Variants in CTPS1 observed in about 807,000 individuals in gnomAD.
CTPS1 encodes the protein CTP synthetase 1.
In CTPS1, 25 loss-of-function variants were observed where a neutral mutation model predicts 80.5. That is an observed-to-expected ratio of 0.31 (90% confidence interval 0.23 to 0.43). The LOEUF is 0.43. Ranked by LOEUF, CTPS1 falls within the 20% of genes least tolerant of loss-of-function variation. The pLI, the probability that CTPS1 is intolerant of heterozygous loss-of-function variation, is 1.00. For synonymous variants in CTPS1, 267 were observed against 252.5 expected (o/e 1.06, Z -0.54); for missense variants, 442 against 725.7 (o/e 0.61, Z 4.49).
intron 12 of CTPS1, among the ~76,000 whole-genome samples, chr1:41,003,624 TG>T (rs1642961694): frequency 6.6e-6 from 1 of 152,170 alleles, no homozygotes; most frequent in African/African-American, 2.4e-5. Flanking sequence ...TTCTGTAAAA[TG>T]GGAGTAATAA....
At chr1:40,994,069 G>A (rs1238789998) in intron 7 of CTPS1, among the ~76,000 whole-genome samples, 1 of 152,058 alleles carries the variant, frequency 6.6e-6, no homozygotes, top group African/African-American at 2.4e-5. Context: ...GTGAGCCACC[G>A]CACCTGGCCT....
chr1:40,983,380 T>C lies in CTPS1; in HGVS notation c.90T>C (p.Cys30=), dbSNP rs761020732. ...ASSVGTILKS[C]GLHVTSIKID... is the part of the protein sequence containing the mutation. Reference sequence around the variant, plus strand: ...GTGTGGGCACAATACTCAAGTCATGTGGTTTACATGTAACTTCAATCAAAA... The same window carrying C: ...GTGTGGGCACAATACTCAAGTCATGCGGTTTACATGTAACTTCAATCAAAA... Residue 30 remains cysteine (C), a synonymous_variant, in exon 2 of 19, where the codon TGT becomes TGC. Transcript: ENST00000650070. 6.2e-7 allele frequency: 1 copy of C among 1,614,152 alleles called. No homozygotes were observed. The highest frequency in any genetic ancestry group is 8.5e-7 in the Non-Finnish European group (1 of 1,179,998).
intron 18 of CTPS1, among the ~76,000 whole-genome samples, chr1:41,010,636 T>C (rs1286957505): frequency 6.6e-6 from 1 of 152,204 alleles, no homozygotes; most frequent in East Asian, 1.9e-4. Context: ...ATTTTGGAGA[T>C]CTTGAAGGAA....
chr1:40,987,492 A>G lies in CTPS1; in HGVS notation c.438+20A>G, dbSNP rs753719232. 15 of 1,536,402 alleles carry G rather than the reference A, an allele frequency of 9.8e-6. No individual in the cohort carries two copies. The highest frequency in any genetic ancestry group is 1.7e-4 in the Middle Eastern group (1 of 5,952). ...ATTGAGGTTTGTATGATTCCTGCACATGTGAACAAGTGTACTCATCTCCTT... is the reference window on the plus strand; with the variant it reads ...ATTGAGGTTTGTATGATTCCTGCACGTGTGAACAAGTGTACTCATCTCCTT... On this transcript the variant is annotated intron_variant, in intron 4 of 18. Transcript: ENST00000650070.
At chr1:40,987,514 C>G (rs199692447) in intron 4 of CTPS1, 42 bp downstream of exon 4, 1 of 1,365,196 alleles carries the variant, frequency 7.3e-7, no homozygotes, top group Non-Finnish European at 1.0e-6. Context: ...GTACTCATCT[C>G]CTTAGTCAGC....
At chr1:40,994,812 T>C (rs1397798619) in intron 7 of CTPS1, among the ~76,000 whole-genome samples, 1 of 152,236 alleles carries the variant, frequency 6.6e-6, no homozygotes, top group African/African-American at 2.4e-5. Context: ...TGTGGGTTTT[T>C]TATATTGCCA....
chr1:40,988,544 G>T (rs1437177151), intron 4 of CTPS1, 50 bp from the exon 5 acceptor site: 2 of 1,245,152 alleles, frequency 1.6e-6, no homozygotes. Context: ...AAACTAAACT[G>T]CCAGAGAAGG....
At chr1:40,990,614 G>A (rs1170652370) in intron 5 of CTPS1, among the ~76,000 whole-genome samples, 1 of 150,514 alleles carries the variant, frequency 6.6e-6, no homozygotes, top group Non-Finnish European at 1.5e-5. Flanking sequence ...ACAAGAGCCT[G>A]TCTCGATTTA....
chr1:41,011,414 T>TTA (rs1643170268), intron 18 of CTPS1, among the ~76,000 whole-genome samples: 1 of 152,194 alleles, frequency 6.6e-6, no homozygotes, highest in African/African-American at 2.4e-5. Context: ...AGTGACACTG[T>TTA]TACGAGGTGC....
Position 40,988,583 on chromosome 1 carries a change from T to C in CTPS1, c.439-11T>C. ...TAGTGCCTAACCTCTGAAACAACTT[T>C]GTTCTTCTAGCTTGGTGGAACCGTG... On this transcript the variant is annotated splice_polypyrimidine_tract_variant and intron_variant, in intron 4 of 18. Transcript: ENST00000650070. The C allele has an allele frequency of 6.2e-7, 1 of 1,602,684 alleles. No homozygotes were observed. Among genetic ancestry groups the C allele is most frequent in the Non-Finnish European group, 8.5e-7 (1 of 1,169,882 alleles).
intron 3 of CTPS1, among the ~76,000 whole-genome samples, chr1:40,986,337 C>T (rs1025579675): frequency 3.3e-5 from 5 of 152,078 alleles, no homozygotes; most frequent in East Asian, 1.9e-4. Flanking sequence ...GTGGTTGGTC[C>T]GGGAATGGAG....
intron 3 of CTPS1, among the ~76,000 whole-genome samples, chr1:40,986,301 G>A (rs1642451045): frequency 6.6e-6 from 1 of 152,256 alleles, no homozygotes. Flanking sequence ...GGAATGAGAA[G>A]TGCGGAGGCG....
rs1643056262 is a variant in CTPS1, at chr1:41,007,254, A to G, written c.1297-195A>G. Among the ~76,000 whole-genome samples, 1 of 152,220 alleles carries G rather than the reference A, an allele frequency of 6.6e-6. No individual in the cohort carries two copies. The highest frequency in any genetic ancestry group is 2.4e-5 in the African/African-American group (1 of 41,446). On this transcript the variant is annotated intron_variant, in intron 13 of 18. Coordinates refer to ENST00000650070, the MANE Select transcript of CTPS1 (RefSeq NM_001905.4). The surrounding 1 kb of genome is among the most constrained non-coding windows in gnomAD (Gnocchi z 4.4). ...TCTGCAGATCAGGAGGACAGGCTGA[A>G]GGACGGAGCCTCCACCCAACCGAGG...
chr1:40,987,376 C>T lies in CTPS1; in HGVS notation c.342C>T (p.Val114=), dbSNP rs748480280. ...TGTTTGTTTTCTTTTTCCCAGTTGT[C>T]CCTCATATCACAGATGCAATCCAGG... is the stretch of plus-strand genomic sequence containing the variant. ...GDYLGKTVQV[V]PHITDAIQEW... is the part of the protein sequence containing the mutation. Residue 114 remains valine (V), a synonymous_variant, in exon 4 of 19, where the codon GTC becomes GTT. Transcript: ENST00000650070. 11 of 1,612,176 alleles carry T rather than the reference C, an allele frequency of 6.8e-6. No individual in the cohort carries two copies. The East Asian group carries it at 2.2e-4, about 33-fold the overall frequency.
intron 4 of CTPS1, 100 bp from the exon 5 acceptor site, chr1:40,988,494 A>G (rs1642515927): frequency 1.3e-6 from 1 of 770,124 alleles, no homozygotes; most frequent in Non-Finnish European, 2.3e-6. Context: ...GTGTTACATA[A>G]TTACTGATAC....
intron 12 of CTPS1, among the ~76,000 whole-genome samples, chr1:41,005,142 A>C (rs1418838247): frequency 6.6e-6 from 1 of 151,746 alleles, no homozygotes; most frequent in Non-Finnish European, 1.5e-5. Flanking sequence ...AACACAAACA[A>C]ACAATATAAG....
At chr1:40,996,944 A>G (rs1642767396) in intron 8 of CTPS1, among the ~76,000 whole-genome samples, 2 of 151,952 alleles carry the variant, frequency 1.3e-5, no homozygotes, top group Non-Finnish European at 2.9e-5. Context: ...TATGAAAAAA[A>G]TTTTTTGTAG....
chr1:40,990,825 G>A (rs1056146453), intron 5 of CTPS1, among the ~76,000 whole-genome samples: 1 of 152,136 alleles, frequency 6.6e-6, no homozygotes, highest in Non-Finnish European at 1.5e-5. Flanking sequence ...AGTGTCTAAT[G>A]GGGGCAGGAT....
intron 12 of CTPS1, among the ~76,000 whole-genome samples, chr1:41,004,587 C>G (rs1485777141): frequency 2.1e-5 from 3 of 141,468 alleles, no homozygotes. Context: ...AGGAGGAGAA[C>G]AGTGCCCAGC....
Sources: gnomAD v4.1 joint callset for allele counts (sites outside exome capture counted in the v4.1 genomes callset) on GRCh38, gnomAD v4.1.1 for gene constraint, Gnocchi (gnomAD v3.1) non-coding constraint, MANE v1.5 for transcripts, NCBI Gene and HGNC (gene_info 2026-07-23, HGNC 2026-07-21) for gene names.